Variants in EYA4 observed in about 807,000 individuals in gnomAD.
The protein encoded by EYA4 is protein phosphatase EYA4.
A neutral mutation model predicts 87.9 loss-of-function variants in EYA4; 31 were observed. That is an observed-to-expected ratio of 0.35 (90% confidence interval 0.27 to 0.48). The LOEUF (loss-of-function observed/expected upper bound fraction) is 0.48. EYA4 is among the 20% of genes least tolerant of loss of function. EYA4 has a pLI of 0.99. For synonymous variants in EYA4, 263 were observed against 270.6 expected, an observed-to-expected ratio of 0.97 and a Z score of 0.28; for missense variants, 678 against 761.4, an observed-to-expected ratio of 0.89 and a Z score of 1.29.
rs1039548656 is a variant in EYA4 at position 133,529,018 on chromosome 6, C to A, written c.*213C>A. The A allele has an allele frequency of 1.1e-5, 15 of 1,349,540 alleles. No homozygotes were observed. The Admixed American group carries it at 2.7e-4, about 25-fold the overall frequency. 83.6% of individuals were successfully genotyped at this position (1,349,540 alleles called of 1,614,324 possible). A position where few individuals can be genotyped will look rare whatever the true frequency, so the allele number is the denominator to read the frequency against. On this transcript the variant is annotated 3_prime_UTR_variant, in exon 20 of 20. Transcript: ENST00000355286. ...ACTCTATGGTCTTATATTTACAACA[C>A]TTTAATGGGTTTTTTAAAAATCTGT...
In EYA4 at chr6:133,507,596, A is replaced by G. The variant is rs147016881; in HGVS notation, c.1281+1401A>G. 7.3e-5 allele frequency among the ~76,000 whole-genome samples: 11 copies of G among 151,426 alleles called. No individual in the cohort carries two copies. The East Asian group carries it at 1.4e-3, about 19-fold the overall frequency. Reference sequence around the variant, plus strand: ...TGTGTCCATGTGTTCTCATTATTCAACTCCCACTTATGAGTGAGAACATGC... The same window carrying G: ...TGTGTCCATGTGTTCTCATTATTCAGCTCCCACTTATGAGTGAGAACATGC... On this transcript the variant is annotated intron_variant, in intron 14 of 19. Coordinates refer to ENST00000355286, the MANE Select transcript of EYA4 (RefSeq NM_004100.5).
chr6:133,244,315 A>C (rs969541958), intron 1 of EYA4, among the ~76,000 whole-genome samples: 23 of 152,154 alleles, frequency 1.5e-4, no homozygotes, highest in Non-Finnish European at 2.9e-4. Context: ...TGAATATTTG[A>C]AATTGAATTT....
intron 17 of EYA4, among the ~76,000 whole-genome samples, chr6:133,520,527 GAAGAATC>G (rs1288074417): frequency 8.0e-6 from 1 of 124,626 alleles, no homozygotes; most frequent in Non-Finnish European, 1.7e-5. Context: ...TCATGGGTAG[GAAGAATC>G]AATATCGTGA....
chr6:133,347,351 T>C (rs573293777), intron 2 of EYA4, among the ~76,000 whole-genome samples: 75 of 152,330 alleles, frequency 4.9e-4, no homozygotes, highest in African/African-American at 1.7e-3. Context: ...AGGGTAATTA[T>C]CCTTTTTAAA....
At chr6:133,439,809 A>T (rs1562422636) in intron 3 of EYA4, among the ~76,000 whole-genome samples, 1 of 152,218 alleles carries the variant, frequency 6.6e-6, no homozygotes, top group East Asian at 1.9e-4. Context: ...ACCAGGAATC[A>T]CATTGTTAGC....
chr6:133,424,671 C>G (rs893287278), intron 3 of EYA4, among the ~76,000 whole-genome samples: 1 of 142,270 alleles, frequency 7.0e-6, no homozygotes, highest in African/African-American at 3.0e-5. Flanking sequence ...TTGTCCCCAG[C>G]TCCTGCCTTC....
chr6:133,425,942 C>G lies in EYA4; in HGVS notation c.84-20688C>G, dbSNP rs556249374. Among the ~76,000 whole-genome samples the G allele has an allele frequency of 6.0e-5, 9 of 151,038 alleles. No homozygotes were observed. In the East Asian group the frequency reaches 1.8e-3, roughly 30 times the overall value. On this transcript the variant is annotated intron_variant, in intron 3 of 19. Coordinates refer to ENST00000355286, the MANE Select transcript of EYA4 (RefSeq NM_004100.5). ...TTCACGCTTTCTCCCTGACCTCTAT[C>G]ATGCAGAAATATTTAACTGCTTGCA... is the stretch of plus-strand genomic sequence containing the variant.
At chr6:133,484,459 A>G (rs920449858) in intron 13 of EYA4, among the ~76,000 whole-genome samples, 18 of 152,242 alleles carry the variant, frequency 1.2e-4, no homozygotes, top group African/African-American at 4.3e-4. Flanking sequence ...GTTTTAGTAT[A>G]GGTAATGAGG....
chr6:133,431,061 C>T (rs557682953), intron 3 of EYA4, among the ~76,000 whole-genome samples: 17 of 152,170 alleles, frequency 1.1e-4, no homozygotes, highest in South Asian at 4.2e-4. Context: ...GTGCAGAGGT[C>T]CTCACCTGGG....
chr6:133,251,584 C>T (rs1031964090), intron 1 of EYA4, among the ~76,000 whole-genome samples: 1 of 152,124 alleles, frequency 6.6e-6, no homozygotes, highest in Non-Finnish European at 1.5e-5. Context: ...TACCTGAATT[C>T]TTCAGTATAT....
chr6:133,383,949 C>T (rs1015217664), intron 3 of EYA4, among the ~76,000 whole-genome samples: 3 of 152,122 alleles, frequency 2.0e-5, no homozygotes, highest in Non-Finnish European at 4.4e-5. Context: ...TATAAGTGAC[C>T]TACCTATAAC....
intron 3 of EYA4, among the ~76,000 whole-genome samples, chr6:133,392,965 G>A (rs1583158183): frequency 6.6e-6 from 1 of 152,316 alleles, no homozygotes; most frequent in South Asian, 2.1e-4. Flanking sequence ...CTCATGTAAA[G>A]CAGCATTTGT....
At chr6:133,374,369 C>T (rs9402508) in intron 2 of EYA4, among the ~76,000 whole-genome samples, 25,991 of 151,930 alleles carry the variant, frequency 0.17, 2,617 homozygotes, top group South Asian at 0.31. Flanking sequence ...TCCTGGAAGG[C>T]CCTCGCATTA....
chr6:133,416,882 A>G (rs1363904524), intron 3 of EYA4, among the ~76,000 whole-genome samples: 1 of 152,194 alleles, frequency 6.6e-6, no homozygotes, highest in African/African-American at 2.4e-5. Context: ...TGTTCTAGAA[A>G]TGAGTGGAGT....
intron 2 of EYA4, among the ~76,000 whole-genome samples, chr6:133,311,443 A>T (rs1462556889): frequency 6.6e-6 from 1 of 151,920 alleles, no homozygotes; most frequent in Admixed American, 6.6e-5. Context: ...CTCCCACCTC[A>T]GCCTCCCAAG....
At chr6:133,271,761 T>C (rs1354700828) in intron 1 of EYA4, among the ~76,000 whole-genome samples, 3 of 152,170 alleles carry the variant, frequency 2.0e-5, no homozygotes, top group Non-Finnish European at 4.4e-5. Flanking sequence ...ACTTTGTTCA[T>C]GGGCCCATTG....
At chr6:133,406,732 A>G (rs1229606378) in intron 3 of EYA4, among the ~76,000 whole-genome samples, 1 of 152,182 alleles carries the variant, frequency 6.6e-6, no homozygotes, top group Admixed American at 6.5e-5. Flanking sequence ...CCTGTTTCTT[A>G]TACTTTAACA....
intron 13 of EYA4, among the ~76,000 whole-genome samples, chr6:133,488,878 A>G (rs1796903307): frequency 6.6e-6 from 1 of 152,200 alleles, no homozygotes; most frequent in African/African-American, 2.4e-5. Context: ...ATCCACAATC[A>G]TTAAGACTAC....
In EYA4 at chr6:133,400,969, TC is replaced by T. The variant is rs1382335098; in HGVS notation, c.83+18531del. Among the ~76,000 whole-genome samples the T allele has an allele frequency of 2.6e-5, 4 of 152,286 alleles. No individual in the cohort carries two copies. The East Asian group carries it at 7.7e-4, about 29-fold the overall frequency. Reference sequence around the variant, plus strand: ...GCTCAAGGTTTCCTATTTTCTCCTGTCCCTCTCTTCTGGAATCAACCCAAGT... The same window carrying T: ...GCTCAAGGTTTCCTATTTTCTCCTGTCCTCTCTTCTGGAATCAACCCAAGT... On this transcript the variant is annotated intron_variant, in intron 3 of 19. Transcript: ENST00000355286.
Sources: allele counts gnomAD v4.1 joint callset (sites outside exome capture counted in the v4.1 genomes callset), GRCh38; gene constraint gnomAD v4.1.1; transcripts MANE v1.5; gene names NCBI Gene and HGNC (gene_info 2026-07-23, HGNC 2026-07-21).